LSM14A: variants seen among roughly 807,000 people sequenced by gnomAD.
The protein encoded by LSM14A is LSM14A mRNA processing body assembly factor, also known as protein LSM14 homolog A.
Under a neutral mutation model 52.4 loss-of-function variants are expected in LSM14A, and 14 were observed. The observed-to-expected ratio is 0.27, with a 90% CI of 0.18 to 0.42. LSM14A has a LOEUF of 0.42. Ranked by LOEUF, LSM14A falls within the 10% of genes least tolerant of loss-of-function variation. LSM14A has a pLI of 1.00. For synonymous variants in LSM14A, 185 were observed against 200.3 expected (o/e 0.92, Z 0.64); for missense variants, 417 against 581.8 (o/e 0.72, Z 2.91).
At chr19:34,191,315 T>C (rs1182386890) in intron 1 of LSM14A, among the ~76,000 whole-genome samples, 2 of 152,186 alleles carry the variant, frequency 1.3e-5, no homozygotes, top group Non-Finnish European at 2.9e-5. Flanking sequence ...CTATTTTCTG[T>C]GATAAATACT....
At chr19:34,190,526 TATC>T (rs904211840) in intron 1 of LSM14A, among the ~76,000 whole-genome samples, 1 of 151,694 alleles carries the variant, frequency 6.6e-6, no homozygotes, top group African/African-American at 2.4e-5. Context: ...CTTCGCTTAT[TATC>T]AACTAGCCAA....
At position 34,172,561 on chromosome 19, in the gene LSM14A, G is replaced by A; in HGVS notation, c.-82G>A. On this transcript the variant is annotated 5_prime_UTR_variant, in exon 1 of 10. Coordinates refer to ENST00000544216, the MANE Select transcript of LSM14A (RefSeq NM_015578.4). ...GAAGCGGCTGCTGTAGGCGCCGACG[G>A]AGCGAGCGGGCGTGCGGAGCGGGCG... 7.1e-7 allele frequency: 1 copy of A among 1,417,178 alleles called. No homozygotes were observed. The highest frequency in any genetic ancestry group is 9.2e-7 in the Non-Finnish European group (1 of 1,083,002). The allele number at this position is 1,417,178 out of a possible 1,614,324, so 87.8% of individuals were successfully genotyped here. A position where few individuals can be genotyped will look rare whatever the true frequency, so the allele number is the denominator to read the frequency against.
intron 1 of LSM14A, among the ~76,000 whole-genome samples, chr19:34,173,373 A>G (rs1374092803): frequency 2.6e-5 from 4 of 152,160 alleles, no homozygotes; most frequent in Non-Finnish European, 4.4e-5. Flanking sequence ...CTGTTGTGCA[A>G]CCACCTCATT....
At chr19:34,203,480 A>T (rs1007477617) in intron 3 of LSM14A, among the ~76,000 whole-genome samples, 7 of 152,126 alleles carry the variant, frequency 4.6e-5, no homozygotes, top group Non-Finnish European at 2.9e-5. Context: ...GGGTGTTTCA[A>T]CCATTATGGA....
intron 3 of LSM14A, among the ~76,000 whole-genome samples, chr19:34,197,431 C>CTTTTTTTTTTTTTTTT (rs531343486): frequency 1.5e-3 from 92 of 63,284 alleles, no homozygotes; most frequent in South Asian, 2.7e-3. Flanking sequence ...ATTTCTTTTT[C>CTTTTTTTTTTTTTTTT]TTTTTTTTTT....
intron 9 of LSM14A, among the ~76,000 whole-genome samples, chr19:34,222,493 T>G (rs1052245212): frequency 1.3e-5 from 2 of 152,216 alleles, no homozygotes; most frequent in Non-Finnish European, 2.9e-5. Flanking sequence ...AGTTTATTGA[T>G]TTTAGAAGTA....
rs139185710 is a variant in LSM14A at position 34,212,819 on chromosome 19, A to C, written c.539-2305A>C. 2.0e-5 allele frequency among the ~76,000 whole-genome samples: 3 copies of C among 152,270 alleles called. No homozygotes were observed. The East Asian group carries it at 5.8e-4, about 29-fold the overall frequency. ...AAAAGGCTTTTTAAGTACACAACAAATGTTTCTGTACTTGCTCCGATTGCC... is the reference window on the plus strand; with the variant it reads ...AAAAGGCTTTTTAAGTACACAACAACTGTTTCTGTACTTGCTCCGATTGCC... On this transcript the variant is annotated intron_variant, in intron 4 of 9. Transcript: ENST00000544216.
At chr19:34,188,104 T>C (rs2070064781) in intron 1 of LSM14A, among the ~76,000 whole-genome samples, 1 of 151,994 alleles carries the variant, frequency 6.6e-6, no homozygotes, top group Admixed American at 6.6e-5. Flanking sequence ...CTGGGCAACA[T>C]GGCGAAATCC....
At chr19:34,225,895 C>CT (rs1173108130) in intron 9 of LSM14A, among the ~76,000 whole-genome samples, 1 of 151,972 alleles carries the variant, frequency 6.6e-6, no homozygotes, top group Non-Finnish European at 1.5e-5. Flanking sequence ...GTCCCTATCT[C>CT]TATAAAAAAG....
intron 4 of LSM14A, among the ~76,000 whole-genome samples, chr19:34,213,638 GA>G (rs1281810022): frequency 6.6e-6 from 1 of 152,206 alleles, no homozygotes. Flanking sequence ...TGCCTAAGCA[GA>G]GATGTACAGC....
At chr19:34,175,951 G>A (rs561474343) in intron 1 of LSM14A, among the ~76,000 whole-genome samples, 1 of 152,232 alleles carries the variant, frequency 6.6e-6, no homozygotes, top group African/African-American at 2.4e-5. Flanking sequence ...CACCTCCCGG[G>A]TTCAAGCAGT....
At chr19:34,196,020 C>A (rs572710650) in intron 2 of LSM14A, among the ~76,000 whole-genome samples, 48 of 152,222 alleles carry the variant, frequency 3.2e-4, no homozygotes, top group Middle Eastern at 3.4e-3. Context: ...CTTTAATACA[C>A]TTCATGTTTA....
intron 1 of LSM14A, among the ~76,000 whole-genome samples, chr19:34,177,935 C>T (rs540566081): frequency 5.9e-5 from 9 of 151,926 alleles, no homozygotes; most frequent in Admixed American, 5.2e-4. Context: ...CTGAGGCAGG[C>T]GAATCACCTG....
intron 4 of LSM14A, among the ~76,000 whole-genome samples, chr19:34,212,189 T>C (rs3097340): frequency 0.61 from 92,585 of 151,786 alleles, 29,009 homozygotes; most frequent in African/African-American, 0.68. Context: ...TAAAAATTAG[T>C]TGGGCGTGAT....
chr19:34,221,759 ATT>A, intron 9 of LSM14A, 21 bp downstream of exon 9: 2 of 1,585,672 alleles, frequency 1.3e-6, no homozygotes, highest in South Asian at 2.2e-5. Flanking sequence ...CTGTTAATAA[ATT>A]CTTTGGGGTT....
chr19:34,200,960 T>TA (rs35643185), intron 3 of LSM14A, among the ~76,000 whole-genome samples: 3 of 152,210 alleles, frequency 2.0e-5, no homozygotes, highest in Admixed American at 2.0e-4. Context: ...CTAATTATGT[T>TA]AAAAAATTTG....
chr19:34,205,722 A>G (rs574326654), intron 3 of LSM14A, among the ~76,000 whole-genome samples: 6 of 152,142 alleles, frequency 3.9e-5, no homozygotes, highest in African/African-American at 1.4e-4. Flanking sequence ...AGCTAGGAAA[A>G]AAAATGAAAG....
intron 6 of LSM14A, among the ~76,000 whole-genome samples, chr19:34,219,107 C>T (rs760279406): frequency 6.6e-6 from 1 of 152,200 alleles, no homozygotes; most frequent in Non-Finnish European, 1.5e-5. Context: ...GAAGCCTCCA[C>T]ACTTGCCTGG....
intron 8 of LSM14A, among the ~76,000 whole-genome samples, chr19:34,220,211 G>A (rs2072957729): frequency 6.6e-6 from 1 of 152,042 alleles, no homozygotes; most frequent in African/African-American, 2.4e-5. Flanking sequence ...CTCAAGATCA[G>A]CCTCCCAAAG....
Sources: allele counts gnomAD v4.1 joint callset (sites outside exome capture counted in the v4.1 genomes callset), GRCh38; gene constraint gnomAD v4.1.1; transcripts MANE v1.5; gene names NCBI Gene and HGNC (gene_info 2026-07-23, HGNC 2026-07-21).